The following FBXL2 variants were observed in gnomAD, a reference collection of about 807,000 sequenced individuals.
FBXL2 encodes F-box and leucine rich repeat protein 2, also known as F-box/LRR-repeat protein 2.
A neutral mutation model predicts 69.2 loss-of-function variants in FBXL2; 38 were observed. The ratio of observed to expected loss-of-function variants is 0.55; its 90% confidence interval spans 0.42 to 0.72. FBXL2 has a LOEUF of 0.72. Ranked by LOEUF, FBXL2 falls within the 30% of genes least tolerant of loss-of-function variation. The pLI, the probability that FBXL2 is intolerant of heterozygous loss-of-function variation, is 0.00. For synonymous variants in FBXL2, 192 were observed against 201.3 expected (o/e 0.95, Z 0.39); for missense variants, 354 against 520.3 (o/e 0.68, Z 3.11).
chr3:33,324,810 T>C (rs2038550367), intron 2 of FBXL2, among the ~76,000 whole-genome samples: 1 of 152,120 alleles, frequency 6.6e-6, no homozygotes, highest in Non-Finnish European at 1.5e-5. Context: ...CCATATGAAA[T>C]TAAAAGCAGT....
chr3:33,340,576 T>TAAA (rs111348589), intron 2 of FBXL2, among the ~76,000 whole-genome samples: 19 of 110,066 alleles, frequency 1.7e-4, no homozygotes, highest in South Asian at 3.0e-4. Context: ...TTATTTTGAT[T>TAAA]AAAAAAAAAA....
downstream of FBXL2, chr3:33,390,476 A>C (rs1375800595): frequency 8.6e-7 from 1 of 1,157,480 alleles, no homozygotes; most frequent in Non-Finnish European, 1.3e-6. Flanking sequence ...TTCAGAGGTT[A>C]CCTTTAAATG....
chr3:33,368,828 C>T (rs56805652), intron 5 of FBXL2, among the ~76,000 whole-genome samples: 39,133 of 152,022 alleles, frequency 0.26, 5,928 homozygotes, highest in East Asian at 0.47. Flanking sequence ...CCTTGTGATC[C>T]GCCTTCCTTG....
chr3:33,420,889 G>C, the FBXL2 span, among the ~76,000 whole-genome samples: 1 of 152,310 alleles, frequency 6.6e-6, no homozygotes, highest in East Asian at 1.9e-4. Flanking sequence ...TCCCAAAAAT[G>C]CTGGGATTAC....
chr3:33,390,514 G>T, downstream of FBXL2: 1 of 812,606 alleles, frequency 1.2e-6, no homozygotes, highest in Non-Finnish European at 2.0e-6. Context: ...AGATTAACTT[G>T]CTCTAGCTCC....
chr3:33,293,231 A>G (rs1220899040), intron 1 of FBXL2, among the ~76,000 whole-genome samples: 6 of 152,238 alleles, frequency 3.9e-5, no homozygotes, highest in Non-Finnish European at 5.9e-5. Flanking sequence ...CACTTACTAT[A>G]TGCCAAGACT....
At chr3:33,392,319 G>A (rs150941704), downstream of FBXL2, 7,477 of 409,386 alleles carry the variant, frequency 0.018, 106 homozygotes, top group Non-Finnish European at 0.025. Flanking sequence ...CTGACACAAA[G>A]TGCTCAGTAA....
chr3:33,373,515 G>T, intron 7 of FBXL2, 63 bp from the exon 8 acceptor site: 2 of 1,610,926 alleles, frequency 1.2e-6, no homozygotes, highest in South Asian at 2.2e-5. Flanking sequence ...ACTAAACTCA[G>T]AGTTGGTCAT....
chr3:33,378,226 T>A, intron 12 of FBXL2, 79 bp downstream of exon 12: 1 of 1,385,380 alleles, frequency 7.2e-7, no homozygotes, highest in Non-Finnish European at 1.0e-6. Flanking sequence ...CCAGAGACAC[T>A]GACTCGCTAT....
Position 33,373,112 on chromosome 3 carries a change from G to A in FBXL2, c.311G>A (p.Arg104Gln), listed in dbSNP as rs759437633. ...TTTAGGACCTTTGCACAGAACTGCC[G>A]AAACATTGAACATTTGAACCTCAAT... ...SSLKTFAQNC[R>Q]NIEHLNLNGC... The change falls in exon 6 of 15, where the codon CGA becomes CAA. Residue 104 changes from arginine to glutamine, a missense_variant. By Grantham distance (43) the Arg-to-Gln change is conservative. Transcript: ENST00000484457. 5.0e-6 allele frequency: 8 copies of A among 1,614,080 alleles called. No individual in the cohort carries two copies. The highest frequency in any genetic ancestry group is 3.3e-5 in the South Asian group (3 of 91,092).
At chr3:33,415,806 CA>C in the FBXL2 span, among the ~76,000 whole-genome samples, 1 of 151,796 alleles carries the variant, frequency 6.6e-6, no homozygotes, top group Non-Finnish European at 1.5e-5. Flanking sequence ...TCAGAGAAAG[CA>C]CATTGCTGAA....
At chr3:33,419,865 T>C in the FBXL2 span, among the ~76,000 whole-genome samples, 1 of 152,238 alleles carries the variant, frequency 6.6e-6, no homozygotes, top group Non-Finnish European at 1.5e-5. Flanking sequence ...ATTAATGAAA[T>C]ATAAAGTTAA....
At chr3:33,365,199 C>G (rs2041872566) in intron 5 of FBXL2, among the ~76,000 whole-genome samples, 1 of 151,888 alleles carries the variant, frequency 6.6e-6, no homozygotes, top group South Asian at 2.1e-4. Flanking sequence ...GTGATTTTTA[C>G]ATTAATTTTA....
intron 2 of FBXL2, among the ~76,000 whole-genome samples, chr3:33,339,332 G>A (rs1321003350): frequency 1.3e-5 from 2 of 152,202 alleles, no homozygotes; most frequent in African/African-American, 4.8e-5. Flanking sequence ...TGGTGGGACT[G>A]TAAACTAGTT....
At chr3:33,323,921 C>G (rs1224630407) in intron 2 of FBXL2, among the ~76,000 whole-genome samples, 1 of 152,188 alleles carries the variant, frequency 6.6e-6, no homozygotes, top group Non-Finnish European at 1.5e-5. Flanking sequence ...ACACTCCTAC[C>G]AACAGTGTAA....
chr3:33,400,806 C>T (rs544609416), intron 12 of FBXL2, among the ~76,000 whole-genome samples: 1 of 152,310 alleles, frequency 6.6e-6, no homozygotes, highest in South Asian at 2.1e-4. Flanking sequence ...GTACTCTACT[C>T]AGGTGATGGA....
intron 11 of FBXL2, among the ~76,000 whole-genome samples, chr3:33,377,755 C>T (rs904230708): frequency 1.3e-5 from 2 of 152,218 alleles, no homozygotes; most frequent in African/African-American, 4.8e-5. Context: ...ACCCAACCCC[C>T]ACAGTGTGGC....
chr3:33,377,454 T>A, intron 11 of FBXL2, 121 bp downstream of exon 11: 1 of 925,322 alleles, frequency 1.1e-6, no homozygotes, highest in Non-Finnish European at 1.7e-6. Flanking sequence ...CAAAGTAGAG[T>A]AGAACCCTTG....
intron 12 of FBXL2, chr3:33,398,335 A>G (rs2044088228): frequency 6.6e-6 from 1 of 152,242 alleles, no homozygotes; most frequent in South Asian, 2.1e-4. Flanking sequence ...CACATCTCCC[A>G]TGAGACATGA....
Sources: gnomAD v4.1 joint callset for allele counts (sites outside exome capture counted in the v4.1 genomes callset) on GRCh38, gnomAD v4.1.1 for gene constraint, MANE v1.5 for transcripts, NCBI Gene and HGNC (gene_info 2026-07-23, HGNC 2026-07-21) for gene names.